The following CFAP91 variants were observed in gnomAD, a reference collection of about 807,000 sequenced individuals.
CFAP91 encodes the protein cilia and flagella associated protein 91.
CFAP91 carries 85 observed loss-of-function variants against 95.9 expected under a neutral mutation model. The ratio of observed to expected loss-of-function variants is 0.89; its 90% CI spans 0.74 to 1.06. The LOEUF is 1.06. CFAP91 is among the 50% of genes least tolerant of loss of function. CFAP91 has a pLI of 0.00. For synonymous variants in CFAP91, 335 were observed against 327.5 expected, an observed-to-expected ratio of 1.02 and a Z score of -0.25; for missense variants, 962 against 943.4, an observed-to-expected ratio of 1.02 and a Z score of -0.26.
rs2053915982 is a variant in CFAP91, at chr3:119,732,351, A to G, written c.1076A>G (p.Asn359Ser). ...ATAGAAGGGAAGTTGGAGAGAAGAA[A>G]TATCATCAAGGATTATTCTGATTAT... ...KNIEGKLERRNIIKDYSDYAS... is the reference protein window; with the variant it reads ...KNIEGKLERRSIIKDYSDYAS... Residue 359 changes from asparagine to serine, a missense_variant, in exon 9 of 18, where the codon AAT becomes AGT. By Grantham distance (46) the Asn-to-Ser change is conservative (BLOSUM62 1). Coordinates refer to ENST00000273390, the MANE Select transcript of CFAP91 (RefSeq NM_033364.4). 6.2e-7 allele frequency: 1 copy of G among 1,611,854 alleles called. No homozygotes were observed. Among genetic ancestry groups the G allele is most frequent in the South Asian group, 1.1e-5 (1 of 90,660 alleles).
At position 119,726,292 on chromosome 3, in the gene CFAP91, A is replaced by G. The variant is rs9835381; in HGVS notation, c.804A>G (p.Lys268=). Residue 268 remains lysine, a synonymous_variant, in exon 7 of 18, where the codon AAA becomes AAG. Transcript: ENST00000273390. ...SDTSQFEKRR[K]MMNEMERKEW... ...CCTCCCAGTTTGAGAAGAGGAGGAA[A>G]ATGATGAATGAAATGGAGAGGAAGG... 4,807 of 1,613,806 alleles carry G rather than the reference A, an allele frequency of 3.0e-3. 121 individuals carry two copies. In the African/African-American group the frequency reaches 0.056, roughly 19 times the overall value.
At chr3:119,761,650 G>T (rs1296369011) in intron 17 of CFAP91, among the ~76,000 whole-genome samples, 1 of 151,642 alleles carries the variant, frequency 6.6e-6, no homozygotes, top group Non-Finnish European at 1.5e-5. Context: ...TGATCAAGTG[G>T]GATTCATCCT....
At chr3:119,708,745 A>C (rs958921822) in intron 4 of CFAP91, 71 bp downstream of exon 4, 2 of 942,244 alleles carry the variant, frequency 2.1e-6, no homozygotes, top group Non-Finnish European at 3.3e-6. Context: ...TAATAATAAT[A>C]GTTATCATTT....
chr3:119,763,333 A>T (rs1288471748), intron 17 of CFAP91, among the ~76,000 whole-genome samples: 1 of 152,108 alleles, frequency 6.6e-6, no homozygotes, highest in Non-Finnish European at 1.5e-5. Context: ...GTTGAGGAGG[A>T]TGTGAAGAAA....
intron 1 of CFAP91, chr3:119,706,579 A>G: frequency 2.0e-6 from 1 of 488,842 alleles, no homozygotes; most frequent in Non-Finnish European, 3.7e-6. Flanking sequence ...CACTTCCGTA[A>G]GCTGACTTGG....
chr3:119,703,385 T>G, intron 1 of CFAP91, 163 bp downstream of exon 1: 1 of 1,083,576 alleles, frequency 9.2e-7, no homozygotes, highest in South Asian at 1.6e-5. Flanking sequence ...CTCCGAGCCC[T>G]CCAGGTGGCC....
intron 5 of CFAP91, among the ~76,000 whole-genome samples, chr3:119,712,171 G>T (rs1308184428): frequency 6.6e-6 from 1 of 152,192 alleles, no homozygotes; most frequent in Non-Finnish European, 1.5e-5. Flanking sequence ...GTGGGAAAGG[G>T]ATCATTGCTC....
At chr3:119,720,895 G>A (rs1019887911) in intron 6 of CFAP91, among the ~76,000 whole-genome samples, 1 of 152,042 alleles carries the variant, frequency 6.6e-6, no homozygotes, top group Non-Finnish European at 1.5e-5. Context: ...TACATAAATA[G>A]TTATTATACT....
At chr3:119,751,224 T>C (rs1376264119) in intron 17 of CFAP91, 126 bp downstream of exon 17, 2 of 1,056,338 alleles carry the variant, frequency 1.9e-6, no homozygotes, top group African/African-American at 3.2e-5. Context: ...GGACTTCCAC[T>C]TAAATTGGCA....
intron 17 of CFAP91, among the ~76,000 whole-genome samples, chr3:119,762,954 TGAAAA>T (rs2054564885): frequency 6.6e-6 from 1 of 151,636 alleles, no homozygotes; most frequent in South Asian, 2.1e-4. Context: ...GCAACAAAAG[TGAAAA>T]TAGACAAAAG....
chr3:119,707,871 G>A (rs1559745217), intron 3 of CFAP91, among the ~76,000 whole-genome samples: 1 of 151,690 alleles, frequency 6.6e-6, no homozygotes, highest in Non-Finnish European at 1.5e-5. Context: ...AATATTTTTT[G>A]GGAACTTGGG....
At chr3:119,743,781 C>T (rs1216275158) in intron 13 of CFAP91, among the ~76,000 whole-genome samples, 194 bp from the exon 14 acceptor site, 1 of 152,202 alleles carries the variant, frequency 6.6e-6, no homozygotes, top group South Asian at 2.1e-4. Flanking sequence ...ACCAGACAAT[C>T]GACTTTCTCG....
intron 1 of CFAP91, among the ~76,000 whole-genome samples, chr3:119,704,884 T>C (rs528472465): frequency 6.6e-6 from 1 of 152,340 alleles, no homozygotes; most frequent in East Asian, 1.9e-4. Flanking sequence ...GTGTTACAAC[T>C]GTCTACAGTA....
In CFAP91 at chr3:119,718,514, T is replaced by G. The variant is rs545754964; in HGVS notation, c.682+2771T>G. ...AATGCAAGAATCAGTGGCTGAGAAC[T>G]CCCCAGAACTAAAGAAAGACATTAG... On this transcript the variant is annotated intron_variant, in intron 6 of 17. Transcript: ENST00000273390. Among the ~76,000 whole-genome samples the G allele has an allele frequency of 9.9e-5, 15 of 152,112 alleles. No individual in the cohort carries two copies. The South Asian group carries it at 3.1e-3, about 32-fold the overall frequency.
Position 119,740,632 on chromosome 3 carries a change from G to GAA in CFAP91, c.1622_1623dup (p.Ala542LysfsTer6). On this transcript the variant is annotated frameshift_variant, in exon 13 of 18. Transcript: ENST00000273390. LOFTEE classifies it high-confidence loss of function. Reference sequence around the variant, plus strand: ...CACTACAAGAAGATGAAAAGCTGGTGAAAAAAGCCGAGAAGCAAGTGACCC... The same window carrying GAA: ...CACTACAAGAAGATGAAAAGCTGGTGAAAAAAAAGCCGAGAAGCAAGTGACCC... 6.2e-7 allele frequency: 1 copy of GAA among 1,614,222 alleles called. No homozygotes were observed. Among genetic ancestry groups the GAA allele is most frequent in the Non-Finnish European group, 8.5e-7 (1 of 1,180,024 alleles).
rs60453079 is a variant in CFAP91 at position 119,730,601 on chromosome 3, A to AGTGTGTGTGT, written c.1018+264_1018+273dup. Among the ~76,000 whole-genome samples the AGTGTGTGTGT allele has an allele frequency of 6.8e-3, 931 of 137,182 alleles. 11 individuals are homozygous for AGTGTGTGTGT. The highest frequency in any genetic ancestry group is 0.03 in the South Asian group (114 of 3,820). The allele number at this position is 137,182 out of a possible 152,430, so 90.0% of individuals were successfully genotyped here. A position where few individuals can be genotyped will look rare whatever the true frequency, so the allele number is the denominator to read the frequency against. ...TAACAGGTAGTCGAGTTACTGAGAT[A>AGTGTGTGTGT]GTGTGTGTGTGTGTGTGTGTGTGTG... On this transcript the variant is annotated intron_variant, in intron 8 of 17. Transcript: ENST00000273390.
At chr3:119,708,770 C>T (rs757710275) in intron 4 of CFAP91, 96 bp downstream of exon 4, 23 of 717,348 alleles carry the variant, frequency 3.2e-5, no homozygotes, top group Middle Eastern at 3.8e-4. Context: ...GTGCATACAA[C>T]GTGCCAGACT....
intron 1 of CFAP91, among the ~76,000 whole-genome samples, chr3:119,703,994 A>G (rs187833108): frequency 5.3e-5 from 8 of 152,206 alleles, no homozygotes; most frequent in Non-Finnish European, 8.8e-5. Flanking sequence ...TGAACCTTGC[A>G]TTGCTTTCAG....
At chr3:119,742,265 C>T (rs1052160630) in intron 13 of CFAP91, among the ~76,000 whole-genome samples, 1 of 152,214 alleles carries the variant, frequency 6.6e-6, no homozygotes, top group Non-Finnish European at 1.5e-5. Context: ...TACTTGGATA[C>T]ACCCTGGATA....
Sources: allele counts gnomAD v4.1 joint callset (sites outside exome capture counted in the v4.1 genomes callset), GRCh38; gene constraint gnomAD v4.1.1; transcripts MANE v1.5; gene names NCBI Gene and HGNC (gene_info 2026-07-23, HGNC 2026-07-21).